Variants in PCDH15 observed in about 807,000 individuals in gnomAD.
The protein encoded by PCDH15 is protocadherin-15.
PCDH15 carries 129 observed loss-of-function variants against 178.5 expected under a neutral mutation model. The observed-to-expected ratio is 0.72, with a 90% CI of 0.63 to 0.84. The LOEUF (loss-of-function observed/expected upper bound fraction) is 0.84. PCDH15 is among the 40% of genes least tolerant of loss of function. PCDH15 has a pLI of 0.00. For synonymous variants in PCDH15, 800 were observed against 732.0 expected (o/e 1.09, Z -1.50); for missense variants, 2,230 against 2,099.9 (o/e 1.06, Z -1.21).
chr10:55,428,788 T>C (rs893359647), intron 2 of PCDH15, among the ~76,000 whole-genome samples: 1 of 151,984 alleles, frequency 6.6e-6, no homozygotes, highest in Non-Finnish European at 1.5e-5. Context: ...TATTGTTTTA[T>C]ACATTTTGTG....
At chr10:53,953,055 C>T (rs971469716) in intron 23 of PCDH15, among the ~76,000 whole-genome samples, 1 of 152,250 alleles carries the variant, frequency 6.6e-6, no homozygotes, top group East Asian at 1.9e-4. Flanking sequence ...GCCCCTCCAA[C>T]TCAGAAGTGG....
chr10:54,183,652 G>T (rs966953980), intron 12 of PCDH15, 59 bp from the exon 13 acceptor site: 1 of 1,586,922 alleles, frequency 6.3e-7, no homozygotes, highest in African/African-American at 1.3e-5. Context: ...GTAGTACAGA[G>T]TTTGCTCTTA....
intron 25 of PCDH15, among the ~76,000 whole-genome samples, chr10:53,930,740 C>G (rs908057991): frequency 6.6e-6 from 1 of 152,124 alleles, no homozygotes; most frequent in African/African-American, 2.4e-5. Context: ...TTTTCTTACA[C>G]TCTTACGTTT....
At position 53,811,565 on chromosome 10, in the gene PCDH15, A is replaced by G; in HGVS notation, c.4546T>C (p.Tyr1516His). The G allele has an allele frequency of 1.3e-6, 2 of 1,570,942 alleles. No homozygotes were observed. Among genetic ancestry groups the G allele is most frequent in the Non-Finnish European group, 1.7e-6 (2 of 1,157,506 alleles). Residue 1516 changes from tyrosine (Y) to histidine (H), a missense_variant, in exon 36 of 38, where the codon TAC becomes CAC. By Grantham distance (83) the Tyr-to-His change is moderately conservative. Coordinates refer to ENST00000644397, the MANE Select transcript of PCDH15 (RefSeq NM_001384140.1). ...AAGATGTACCCATGCTCATAACTGT[A>G]ATAATCTTGTCCATATTCCTGGCCA... is the stretch of plus-strand genomic sequence containing the variant. Reference protein sequence around the residue: ...DPGQEYGQDYYSYEHGYEMPQ... With the variant: ...DPGQEYGQDYHSYEHGYEMPQ...
intron 2 of PCDH15, among the ~76,000 whole-genome samples, chr10:55,491,812 T>C (rs558222414): frequency 4.0e-5 from 6 of 151,690 alleles, no homozygotes; most frequent in African/African-American, 1.4e-4. Flanking sequence ...GCCTGTTTAA[T>C]AGAAAAAATG....
intron 3 of PCDH15, among the ~76,000 whole-genome samples, chr10:54,402,581 T>G (rs1477039189): frequency 6.6e-6 from 1 of 152,034 alleles, no homozygotes; most frequent in African/African-American, 2.4e-5. Context: ...ATTTTTTCCA[T>G]GTGCTCACAT....
chr10:54,972,574 C>T (rs556713962), intron 2 of PCDH15, among the ~76,000 whole-genome samples: 5 of 151,292 alleles, frequency 3.3e-5, no homozygotes, highest in East Asian at 3.9e-4. Flanking sequence ...TCAGGCCATA[C>T]GTGGTGGCTC....
At chr10:54,605,341 T>C (rs1226556048) in intron 2 of PCDH15, among the ~76,000 whole-genome samples, 2 of 152,034 alleles carry the variant, frequency 1.3e-5, no homozygotes, top group African/African-American at 2.4e-5. Context: ...GGCAATAAAC[T>C]CCCTCAGCTT....
intron 2 of PCDH15, among the ~76,000 whole-genome samples, chr10:55,470,842 T>A (rs79491788): frequency 7.2e-6 from 1 of 138,308 alleles, no homozygotes; most frequent in African/African-American, 2.7e-5. Context: ...TAAACTCTGA[T>A]TTTTTTTTTT....
intron 1 of PCDH15, among the ~76,000 whole-genome samples, chr10:55,298,855 G>A (rs1271866582): frequency 3.3e-5 from 5 of 152,124 alleles, no homozygotes; most frequent in African/African-American, 1.2e-4. Flanking sequence ...TGGGATTACA[G>A]GCATGAGCCA....
chr10:55,509,887 C>A (rs546100818), intron 2 of PCDH15, among the ~76,000 whole-genome samples: 5 of 151,932 alleles, frequency 3.3e-5, no homozygotes, highest in East Asian at 3.9e-4. Flanking sequence ...CTGGAAGGAA[C>A]CTTGGAGACA....
intron 36 of PCDH15, 88 bp downstream of exon 36, chr10:53,811,461 C>G (rs2075861809): frequency 1.2e-6 from 1 of 818,050 alleles, no homozygotes; most frequent in African/African-American, 1.8e-5. Context: ...ACATTAAAAA[C>G]AAATTCTAGT....
At chr10:54,237,321 C>A (rs879841633) in intron 8 of PCDH15, among the ~76,000 whole-genome samples, 1 of 151,832 alleles carries the variant, frequency 6.6e-6, no homozygotes, top group Non-Finnish European at 1.5e-5. Flanking sequence ...TGTATTCTTT[C>A]CTTGCTAAAT....
intron 16 of PCDH15, among the ~76,000 whole-genome samples, chr10:54,084,489 A>T (rs890089029): frequency 1.3e-5 from 2 of 151,738 alleles, no homozygotes; most frequent in African/African-American, 2.4e-5. Flanking sequence ...TAAAAAAAAT[A>T]AAAAAATAAA....
At chr10:55,595,964 T>G (rs1842928497) in intron 2 of PCDH15, among the ~76,000 whole-genome samples, 1 of 152,098 alleles carries the variant, frequency 6.6e-6, no homozygotes. Context: ...ATTAGGTTGA[T>G]AAATTAATTA....
At chr10:54,352,111 G>A (rs1944277599) in intron 5 of PCDH15, among the ~76,000 whole-genome samples, 1 of 151,886 alleles carries the variant, frequency 6.6e-6, no homozygotes, top group Admixed American at 6.6e-5. Context: ...ATATTTTCTG[G>A]AGTCTCATGT....
At chr10:54,966,281 T>C (rs945388770) in intron 2 of PCDH15, among the ~76,000 whole-genome samples, 3 of 152,098 alleles carry the variant, frequency 2.0e-5, no homozygotes, top group Non-Finnish European at 4.4e-5. Flanking sequence ...TTTCTGTTTT[T>C]GTTTATTTAT....
At chr10:54,538,548 T>G (rs1407070904) in intron 2 of PCDH15, among the ~76,000 whole-genome samples, 1 of 152,136 alleles carries the variant, frequency 6.6e-6, no homozygotes, top group Non-Finnish European at 1.5e-5. Flanking sequence ...GCTATGTTGT[T>G]TTTGCTTAGG....
At chr10:54,787,311 C>T (rs1950977126) in intron 1 of PCDH15, among the ~76,000 whole-genome samples, 1 of 151,820 alleles carries the variant, frequency 6.6e-6, no homozygotes, top group Non-Finnish European at 1.5e-5. Context: ...TTAATGTATG[C>T]TTTGTGACAG....
Sources: allele counts gnomAD v4.1 joint callset (sites outside exome capture counted in the v4.1 genomes callset), GRCh38; gene constraint gnomAD v4.1.1; transcripts MANE v1.5; gene names NCBI Gene and HGNC (gene_info 2026-07-23, HGNC 2026-07-21).